Variants in SLC37A3 observed in about 807,000 individuals in gnomAD.
The protein encoded by SLC37A3 is sugar phosphate exchanger 3.
A neutral mutation model predicts 67.1 loss-of-function variants in SLC37A3; 51 were observed. That is an observed-to-expected ratio of 0.76 (90% CI 0.61 to 0.96). The LOEUF is 0.96. Among genes scored for constraint, SLC37A3 ranks in the 40% least tolerant of loss-of-function variants. The pLI is 0.00. For missense variants in SLC37A3, 508 were observed against 603.0 expected, an observed-to-expected ratio of 0.84 and a Z score of 1.65; for synonymous variants, 214 against 231.4, an observed-to-expected ratio of 0.92 and a Z score of 0.68.
chr7:140,345,789 GGT>G (rs1796531621), intron 11 of SLC37A3, 78 bp downstream of exon 11: 10 of 1,124,824 alleles, frequency 8.9e-6, no homozygotes, highest in Non-Finnish European at 1.4e-5. Context: ...CCCCAGCACT[GGT>G]CACTGACTCC....
At chr7:140,395,519 C>T (rs897237807) in intron 1 of SLC37A3, among the ~76,000 whole-genome samples, 1 of 151,096 alleles carries the variant, frequency 6.6e-6, no homozygotes, top group Non-Finnish European at 1.5e-5. Flanking sequence ...ACCACCCTGG[C>T]GAATATGGCG....
At chr7:140,345,341 T>C (rs1423960197) in intron 11 of SLC37A3, 78 bp from the exon 12 acceptor site, 3 of 1,097,982 alleles carry the variant, frequency 2.7e-6, no homozygotes, top group East Asian at 4.8e-5. Flanking sequence ...TACGCGAAGA[T>C]CTGAATCTCC....
At chr7:140,343,635 A>T in intron 12 of SLC37A3, 72 bp from the exon 13 acceptor site, 1 of 1,466,904 alleles carries the variant, frequency 6.8e-7, no homozygotes, top group South Asian at 1.2e-5. Flanking sequence ...AAGGCAAAAT[A>T]ATATCCGAAT....
Position 140,358,701 on chromosome 7 carries a change from G to T in SLC37A3, c.460C>A (p.Leu154Met), listed in dbSNP as rs766853011. 2 of 1,614,156 alleles carry T rather than the reference G, an allele frequency of 1.2e-6. No homozygotes were observed. Among genetic ancestry groups the T allele is most frequent in the Non-Finnish European group, 1.7e-6 (2 of 1,180,032 alleles). ...YCCLWIVNGL[L>M]QSTGWPCVVA... is the part of the protein sequence containing the mutation. ...ACACAGGGCCAACCAGTGGACTGCA[G>T]CAGGCCGTTCACAATCCACAGGCAG... Residue 154 changes from leucine to methionine, a missense_variant, in exon 6 of 15, where the codon CTG (leucine) becomes ATG (methionine). Transcript: ENST00000326232.
chr7:140,389,125 A>C (rs1798624265), intron 1 of SLC37A3, among the ~76,000 whole-genome samples: 1 of 152,184 alleles, frequency 6.6e-6, no homozygotes, highest in South Asian at 2.1e-4. Context: ...TGACACTGAA[A>C]CAAAACTGAT....
chr7:140,337,976 T>C lies in SLC37A3; in HGVS notation c.1327-627A>G, dbSNP rs1330831256. ...CGCAATCTCGGCTCACTGCAAGCTC[T>C]GCCTCCCAGGTTCACATCATTCTCC... On this transcript the variant is annotated intron_variant, in intron 13 of 14. Coordinates refer to ENST00000326232, the MANE Select transcript of SLC37A3 (RefSeq NM_207113.3). Among the ~76,000 whole-genome samples, 8 of 151,878 alleles carry C rather than the reference T, an allele frequency of 5.3e-5. No homozygotes were observed. In the South Asian group the frequency reaches 8.3e-4, roughly 16 times the overall value.
At chr7:140,372,872 A>G (rs1357977252) in intron 3 of SLC37A3, among the ~76,000 whole-genome samples, 1 of 152,144 alleles carries the variant, frequency 6.6e-6, no homozygotes, top group Non-Finnish European at 1.5e-5. Context: ...CAAAAAAAAA[A>G]AAGCCAGTGT....
intron 6 of SLC37A3, among the ~76,000 whole-genome samples, chr7:140,358,001 C>T (rs967100614): frequency 4.6e-5 from 7 of 151,336 alleles, no homozygotes; most frequent in South Asian, 4.2e-4. Context: ...ACTTGAACCC[C>T]GGAGGCGAAG....
At position 140,333,838 on chromosome 7, in the gene SLC37A3, T is replaced by A. The variant is rs1344780064; in HGVS notation, c.*1574A>T. The stretch of plus-strand genomic sequence containing the variant: ...AAATGAGCAATACACTGATTGGAAA[T>A]CTGCATGATTAAATAACATTAACAA... On this transcript the variant is annotated 3_prime_UTR_variant, in exon 15 of 15. Transcript: ENST00000326232. 3 of 152,662 alleles carry A rather than the reference T, an allele frequency of 2.0e-5. No homozygotes were observed. Among genetic ancestry groups the A allele is most frequent in the African/African-American group, 7.2e-5 (3 of 41,448 alleles). 9.5% of individuals were successfully genotyped at this position (152,662 alleles called of 1,614,324 possible). A position where few individuals can be genotyped will look rare whatever the true frequency, so the allele number is the denominator to read the frequency against.
intron 3 of SLC37A3, among the ~76,000 whole-genome samples, chr7:140,371,662 A>C (rs1303672650): frequency 6.6e-6 from 1 of 152,248 alleles, no homozygotes; most frequent in East Asian, 1.9e-4. Context: ...TAATGAATTA[A>C]ATAATGTCCA....
At chr7:140,397,085 A>G (rs886910708) in intron 1 of SLC37A3, among the ~76,000 whole-genome samples, 9 of 149,712 alleles carry the variant, frequency 6.0e-5, no homozygotes, top group African/African-American at 2.2e-4. Flanking sequence ...CTGTAGTCCC[A>G]GCTACTCGGG....
chr7:140,391,293 G>A (rs1369068386), intron 1 of SLC37A3, among the ~76,000 whole-genome samples: 1 of 152,190 alleles, frequency 6.6e-6, no homozygotes, highest in Non-Finnish European at 1.5e-5. Flanking sequence ...AGTGGCTCAT[G>A]CCTGTAATCC....
intron 5 of SLC37A3, 138 bp from the exon 6 acceptor site, chr7:140,358,923 C>A: frequency 9.1e-7 from 1 of 1,096,768 alleles, no homozygotes; most frequent in Non-Finnish European, 1.3e-6. Flanking sequence ...GTCACGTGGC[C>A]AGCATCACAA....
chr7:140,344,358 G>A (rs1796471723), intron 12 of SLC37A3, among the ~76,000 whole-genome samples: 1 of 152,190 alleles, frequency 6.6e-6, no homozygotes. Context: ...AACCCAGGAG[G>A]TGGAGGTTGC....
intron 1 of SLC37A3, among the ~76,000 whole-genome samples, chr7:140,384,543 C>T (rs1798374139): frequency 6.7e-6 from 1 of 150,108 alleles, no homozygotes; most frequent in South Asian, 2.2e-4. Flanking sequence ...GAGACCCCAT[C>T]TCTACAAAAA....
At chr7:140,367,227 A>G (rs1264368368) in intron 4 of SLC37A3, among the ~76,000 whole-genome samples, 1 of 152,112 alleles carries the variant, frequency 6.6e-6, no homozygotes, top group Non-Finnish European at 1.5e-5. Flanking sequence ...AACTGAGGAC[A>G]GGAGTTTGAG....
At position 140,354,490 on chromosome 7, in the gene SLC37A3, T is replaced by C. The variant is rs140936469; in HGVS notation, c.618+1178A>G. 3.3e-3 allele frequency among the ~76,000 whole-genome samples: 507 copies of C among 152,244 alleles called. 3 individuals carry two copies. Among genetic ancestry groups the C allele is most frequent in the Non-Finnish European group, 5.0e-3 (341 of 67,998 alleles). ...ATTTGCATTTCCCTGCTAAGTTCCATAAGAACAGAGATTTTTGTCCCTGTT... is the reference window on the plus strand; with the variant it reads ...ATTTGCATTTCCCTGCTAAGTTCCACAAGAACAGAGATTTTTGTCCCTGTT... On this transcript the variant is annotated intron_variant, in intron 7 of 14. Transcript: ENST00000326232.
intron 11 of SLC37A3, 53 bp from the exon 12 acceptor site, chr7:140,345,316 T>A (rs1585258503): frequency 6.9e-7 from 1 of 1,439,760 alleles, no homozygotes; most frequent in East Asian, 2.3e-5. Context: ...AGACTCCACG[T>A]GCCTCTGCCA....
At chr7:140,345,128 T>C in intron 12 of SLC37A3, 88 bp downstream of exon 12, 1 of 1,180,956 alleles carries the variant, frequency 8.5e-7, no homozygotes, top group Non-Finnish European at 1.2e-6. Flanking sequence ...GTTTCGGTAC[T>C]ACTCAAATTG....
Sources: allele counts gnomAD v4.1 joint callset (sites outside exome capture counted in the v4.1 genomes callset), GRCh38; gene constraint gnomAD v4.1.1; transcripts MANE v1.5; gene names NCBI Gene and HGNC (gene_info 2026-07-23, HGNC 2026-07-21).